FGF13: variants seen among roughly 807,000 people sequenced by gnomAD.
FGF13 encodes fibroblast growth factor 13.
FGF13 carries 2 observed loss-of-function variants against 19.5 expected under a neutral mutation model. That is an observed-to-expected ratio of 0.10 (90% CI 0.04 to 0.32). The LOEUF (loss-of-function observed/expected upper bound fraction) is 0.32. FGF13 is among the 10% of genes least tolerant of loss of function. The probability of loss-of-function intolerance (pLI) is 1.00; values close to 1 mark genes in which losing one functional copy is unlikely to be tolerated. For missense variants in FGF13, 113 were observed against 192.7 expected, an observed-to-expected ratio of 0.59 and a Z score of 2.45; for synonymous variants, 72 against 76.9, an observed-to-expected ratio of 0.94 and a Z score of 0.33.
rs1483406152 is a variant in FGF13, at chrX:138,632,187, AAAAG to A, written c.*659_*662del. ...AATACCACAAATCTAAAAAAAAAAA[AAAAG>A]AAAGAAAAACAATTGGTCAAACCAC... On this transcript the variant is annotated 3_prime_UTR_variant, in exon 5 of 5. Coordinates refer to ENST00000315930, the MANE Select transcript of FGF13 (RefSeq NM_004114.5). 9.0e-6 allele frequency: 1 copy of A among 111,261 alleles called. No individual in the cohort carries two copies. Among genetic ancestry groups the A allele is most frequent in the African/African-American group, 3.3e-5 (1 of 30,654 alleles). The allele number at this position is 111,261 out of a possible 1,213,427, so 9.2% of individuals were successfully genotyped here. A position where few individuals can be genotyped will look rare whatever the true frequency, so the allele number is the denominator to read the frequency against.
At chrX:139,142,676 T>A (rs941812927) in intron 1 of FGF13, among the ~76,000 whole-genome samples, 1 of 111,597 alleles carries the variant, frequency 9.0e-6, no homozygotes, top group African/African-American at 3.3e-5. Context: ...TTCCTCCTCA[T>A]CTGTAGAAGA....
intron 1 of FGF13, among the ~76,000 whole-genome samples, chrX:138,952,927 A>G (rs2091821336): frequency 9.0e-6 from 1 of 110,804 alleles, no homozygotes; most frequent in African/African-American, 3.3e-5. Flanking sequence ...GTCAGGAAAC[A>G]ACAGGTGCTG....
intron 3 of FGF13, among the ~76,000 whole-genome samples, chrX:138,816,897 T>C (rs773129520): frequency 8.9e-6 from 1 of 112,308 alleles, no homozygotes; most frequent in Non-Finnish European, 1.9e-5. Context: ...GACCTTCATC[T>C]GCTTATTAGG....
chrX:138,664,425 C>T (rs775507698), intron 3 of FGF13, among the ~76,000 whole-genome samples: 2 of 111,124 alleles, frequency 1.8e-5, no homozygotes, highest in African/African-American at 6.5e-5. Context: ...AAAGACCAAT[C>T]ATTCCTTTGT....
intron 1 of FGF13, among the ~76,000 whole-genome samples, chrX:138,890,762 C>T (rs6654356): frequency 0.23 from 25,727 of 110,883 alleles, 3,011 homozygotes; most frequent in African/African-American, 0.46. Context: ...TTCAGCAGCC[C>T]CTCACTTATT....
chrX:139,056,177 A>G (rs1490602323), intron 1 of FGF13, among the ~76,000 whole-genome samples: 1 of 112,547 alleles, frequency 8.9e-6, no homozygotes, highest in Non-Finnish European at 1.9e-5. Flanking sequence ...AGGAACACCT[A>G]CTAGTACTAC....
At chrX:139,126,814 T>G (rs905698645) in intron 1 of FGF13, among the ~76,000 whole-genome samples, 1 of 111,316 alleles carries the variant, frequency 9.0e-6, no homozygotes, top group African/African-American at 3.3e-5. Flanking sequence ...CTTTCTCCAC[T>G]CAAATGTCAG....
chrX:138,708,814 T>G lies in FGF13; in HGVS notation c.298+4A>C, dbSNP rs1602728657. 8.6e-7 allele frequency: 1 copy of G among 1,156,517 alleles called. No homozygotes were observed. Among genetic ancestry groups the G allele is most frequent in the Non-Finnish European group, 1.2e-6 (1 of 847,597 alleles). On this transcript the variant is annotated splice_donor_region_variant and intron_variant, in intron 2 of 4. Transcript: ENST00000315930. ...CATATACTATTTATTTTGCAGTCACTTACTGTAAGTGCTGTCCTCATCTTT... is the reference window on the plus strand; with the variant it reads ...CATATACTATTTATTTTGCAGTCACGTACTGTAAGTGCTGTCCTCATCTTT...
intron 1 of FGF13, among the ~76,000 whole-genome samples, chrX:138,735,741 C>T (rs751284936): frequency 3.6e-5 from 4 of 112,219 alleles, no homozygotes; most frequent in South Asian, 3.7e-4. Flanking sequence ...TTAAAGCATA[C>T]ATAAGCTTAG....
intron 3 of FGF13, among the ~76,000 whole-genome samples, chrX:138,645,477 T>A (rs746886596): frequency 8.9e-6 from 1 of 111,963 alleles, no homozygotes; most frequent in South Asian, 3.8e-4. Flanking sequence ...TTTCTGACTG[T>A]AGGCAATTCG....
chrX:139,093,779 T>C (rs1025654031), intron 1 of FGF13, among the ~76,000 whole-genome samples: 2 of 111,840 alleles, frequency 1.8e-5, no homozygotes, highest in Non-Finnish European at 3.8e-5. Context: ...AGTACAACAG[T>C]ATCTCTGCTG....
At chrX:138,923,168 A>G (rs1449086199) in intron 1 of FGF13, among the ~76,000 whole-genome samples, 1 of 112,009 alleles carries the variant, frequency 8.9e-6, no homozygotes. Flanking sequence ...TGTGCTTCAT[A>G]ATACCAGCTT....
rs150906724 is a variant in FGF13, at chrX:138,788,716, T to A, written c.217+68796A>T. Reference sequence around the variant, plus strand: ...CAGTTTTTTCTATTGGGGTAGCTGATTATGTTTGTGGTTGACATCCATGCT... The same window carrying A: ...CAGTTTTTTCTATTGGGGTAGCTGAATATGTTTGTGGTTGACATCCATGCT... On this transcript the variant is annotated intron_variant, in intron 3 of 6. Transcript: ENST00000436198. Among the ~76,000 whole-genome samples, 260 of 112,336 alleles carry A rather than the reference T, an allele frequency of 2.3e-3. 2 individuals carry two copies. Among genetic ancestry groups the A allele is most frequent in the African/African-American group, 8.0e-3 (246 of 30,920 alleles).
intron 1 of FGF13, among the ~76,000 whole-genome samples, chrX:139,159,666 A>AG (rs1175385953): frequency 9.1e-6 from 1 of 109,353 alleles, no homozygotes; most frequent in Non-Finnish European, 1.9e-5. Flanking sequence ...AAAAAAAAAA[A>AG]AAAAAACAGT....
intron 2 of FGF13, among the ~76,000 whole-genome samples, chrX:138,858,482 C>G (rs1428590704): frequency 2.7e-5 from 3 of 112,042 alleles, no homozygotes; most frequent in Non-Finnish European, 5.6e-5. Flanking sequence ...TTCACTGCTA[C>G]ATTCTCTATT....
intron 1 of FGF13, among the ~76,000 whole-genome samples, chrX:138,885,061 A>G (rs2091445166): frequency 8.9e-6 from 1 of 112,456 alleles, no homozygotes; most frequent in African/African-American, 3.2e-5. Flanking sequence ...TGACACTTGC[A>G]GAGAAAAATA....
chrX:139,048,229 TCA>T lies in FGF13; in HGVS notation c.-113+155185_-113+155186del, dbSNP rs1273250785. ...CTTCTAACACCATATATTGAAAAAG[TCA>T]CAGTTTTGCTACTGATTTCAATAAT... is the stretch of plus-strand genomic sequence containing the variant. On this transcript the variant is annotated intron_variant, in intron 1 of 2. Coordinates refer to the FGF13 transcript ENST00000421460. 3.3e-4 allele frequency among the ~76,000 whole-genome samples: 37 copies of T among 111,580 alleles called. 2 individuals carry two copies. The highest frequency in any genetic ancestry group is 1.2e-3 in the African/African-American group (37 of 30,710).
intron 1 of FGF13, among the ~76,000 whole-genome samples, chrX:138,716,899 T>G (rs886488546): frequency 8.9e-6 from 1 of 112,188 alleles, no homozygotes; most frequent in African/African-American, 3.2e-5. Context: ...TTGGTTTTCA[T>G]TATGTCCTGT....
chrX:139,010,567 A>G (rs999258981), intron 1 of FGF13, among the ~76,000 whole-genome samples: 10 of 112,035 alleles, frequency 8.9e-5, no homozygotes, highest in African/African-American at 3.2e-4. Context: ...TGGGTCAACA[A>G]TGAAATCAAG....
Sources: allele counts gnomAD v4.1 joint callset (sites outside exome capture counted in the v4.1 genomes callset), GRCh38; gene constraint gnomAD v4.1.1; transcripts MANE v1.5; gene names NCBI Gene and HGNC (gene_info 2026-07-23, HGNC 2026-07-21).